KAT6B: variants seen among roughly 807,000 people sequenced by gnomAD.
The protein encoded by KAT6B is lysine acetyltransferase 6B.
A neutral mutation model predicts 187.5 loss-of-function variants in KAT6B; 10 were observed. The ratio of observed to expected loss-of-function variants is 0.05; its 90% CI spans 0.03 to 0.09. KAT6B has a LOEUF of 0.09. Among genes scored for constraint, KAT6B ranks in the 10% least tolerant of loss-of-function variants. KAT6B has a pLI of 1.00. For synonymous variants in KAT6B, 861 were observed against 926.8 expected, an observed-to-expected ratio of 0.93 and a Z score of 1.29; for missense variants, 1,952 against 2,558.9, an observed-to-expected ratio of 0.76 and a Z score of 5.12.
intron 16 of KAT6B, chr10:75,024,080 A>C (rs1430341176): frequency 6.6e-6 from 1 of 151,882 alleles, no homozygotes; most frequent in Admixed American, 6.6e-5. Flanking sequence ...ATGGACAGTC[A>C]TTTGTGCCAA....
At chr10:74,853,714 G>C (rs112173960) in intron 3 of KAT6B, among the ~76,000 whole-genome samples, 1 of 143,698 alleles carries the variant, frequency 7.0e-6, no homozygotes, top group Non-Finnish European at 1.5e-5. Context: ...TGCAACCTCC[G>C]CCTCCCAGGT....
At chr10:74,926,576 T>G (rs1380614034) in intron 3 of KAT6B, among the ~76,000 whole-genome samples, 4 of 152,258 alleles carry the variant, frequency 2.6e-5, no homozygotes, top group East Asian at 3.8e-4. Flanking sequence ...AGGTCCTTTC[T>G]TGGGCCCATG....
chr10:74,941,255 T>C (rs565298629), intron 3 of KAT6B, among the ~76,000 whole-genome samples: 1 of 152,320 alleles, frequency 6.6e-6, no homozygotes, highest in South Asian at 2.1e-4. Flanking sequence ...GAAAAGGGAA[T>C]GTTATTCTGA....
At chr10:74,991,099 A>G (rs1353570679) in intron 13 of KAT6B, among the ~76,000 whole-genome samples, 2 of 152,034 alleles carry the variant, frequency 1.3e-5, no homozygotes, top group African/African-American at 2.4e-5. Context: ...TTTATCTCAT[A>G]CCTTTATTTT....
In KAT6B at chr10:74,895,740, G is replaced by A. The variant is rs540361012; in HGVS notation, c.621+52262G>A. Among the ~76,000 whole-genome samples, 9 of 152,132 alleles carry A rather than the reference G, an allele frequency of 5.9e-5. No homozygotes were observed. The East Asian group carries it at 1.2e-3, about 20-fold the overall frequency. ...TTTTTAATAAAGATGAAGTTTCACC[G>A]TGTTGGCCAGGCTGGTCTCGAACTC... On this transcript the variant is annotated intron_variant, in intron 3 of 17. Transcript: ENST00000287239.
Position 74,976,385 on chromosome 10 carries a change from A to G in KAT6B, c.1993+55A>G, listed in dbSNP as rs957458601. 7.6e-6 allele frequency: 11 copies of G among 1,447,372 alleles called. No individual in the cohort carries two copies. The East Asian group carries it at 1.8e-4, about 24-fold the overall frequency. The allele number at this position is 1,447,372 out of a possible 1,614,324, so 89.7% of individuals were successfully genotyped here. On this transcript the variant is annotated intron_variant, in intron 8 of 17. Transcript: ENST00000287239. The stretch of plus-strand genomic sequence containing the variant: ...CCTGCGTCCCGTCCCTTTCTCCCCA[A>G]CCCTGAAAAAAATCAACCAATCAAT...
chr10:74,920,066 T>C (rs1295420861), intron 3 of KAT6B, among the ~76,000 whole-genome samples: 1 of 152,194 alleles, frequency 6.6e-6, no homozygotes, highest in Non-Finnish European at 1.5e-5. Flanking sequence ...TGACTCATGG[T>C]GTTTGTTTTT....
At chr10:74,912,414 A>T (rs61862633) in intron 3 of KAT6B, among the ~76,000 whole-genome samples, 1,515 of 57,656 alleles carry the variant, frequency 0.026, 28 homozygotes, top group African/African-American at 0.075. Context: ...GATAGATAGA[A>T]AGATAGATGA....
At chr10:74,947,142 G>A (rs1403481000) in intron 3 of KAT6B, among the ~76,000 whole-genome samples, 3 of 152,016 alleles carry the variant, frequency 2.0e-5, no homozygotes, top group African/African-American at 4.8e-5. Flanking sequence ...GATTACAGCC[G>A]TGTGCTACCA....
At chr10:74,985,766 G>C (rs1842767802) in intron 12 of KAT6B, among the ~76,000 whole-genome samples, 1 of 152,198 alleles carries the variant, frequency 6.6e-6, no homozygotes. Flanking sequence ...CTAAGTATCA[G>C]CCGGGCTCAG....
At chr10:74,934,869 C>G (rs1589656562) in intron 3 of KAT6B, among the ~76,000 whole-genome samples, 1 of 152,310 alleles carries the variant, frequency 6.6e-6, no homozygotes, top group East Asian at 1.9e-4. Context: ...ACATCCACCC[C>G]AATTATACTC....
chr10:74,935,278 C>T (rs1400247465), intron 3 of KAT6B, among the ~76,000 whole-genome samples: 2 of 7,014 alleles, frequency 2.9e-4, no homozygotes, highest in African/African-American at 2.8e-3. Flanking sequence ...TACATACACA[C>T]ACATATATAT....
chr10:75,028,173 A>AT (rs879470342), intron 17 of KAT6B, among the ~76,000 whole-genome samples: 82 of 148,414 alleles, frequency 5.5e-4, no homozygotes, highest in Admixed American at 3.6e-3. Context: ...GTTCAAATTG[A>AT]TTTTTTTTTT....
chr10:75,008,723 G>A (rs1020273791), intron 13 of KAT6B, among the ~76,000 whole-genome samples: 3 of 152,122 alleles, frequency 2.0e-5, no homozygotes, highest in Admixed American at 1.3e-4. Context: ...AATGATGCCC[G>A]TGAATTTGTT....
At chr10:74,972,079 A>G (rs776718875) in intron 6 of KAT6B, among the ~76,000 whole-genome samples, 2 of 152,094 alleles carry the variant, frequency 1.3e-5, no homozygotes, top group Non-Finnish European at 2.9e-5. Flanking sequence ...TATATTTTAT[A>G]CTGATAATTT....
intron 13 of KAT6B, among the ~76,000 whole-genome samples, chr10:74,997,884 A>G (rs1255824765): frequency 6.6e-6 from 1 of 152,010 alleles, no homozygotes; most frequent in Non-Finnish European, 1.5e-5. Flanking sequence ...AGCCAAGGCA[A>G]GCAGATCACC....
chr10:74,952,547 G>T (rs1230812742), intron 3 of KAT6B, among the ~76,000 whole-genome samples: 2 of 152,160 alleles, frequency 1.3e-5, no homozygotes, highest in African/African-American at 4.8e-5. Flanking sequence ...CTAGTTAGGT[G>T]ACCTTAGAGA....
chr10:74,921,070 A>G (rs1448670351), intron 3 of KAT6B, among the ~76,000 whole-genome samples: 1 of 151,332 alleles, frequency 6.6e-6, no homozygotes, highest in Admixed American at 6.6e-5. Flanking sequence ...GTTTAAGATC[A>G]AATGGTTTCC....
intron 3 of KAT6B, among the ~76,000 whole-genome samples, chr10:74,845,931 T>G (rs1842069344): frequency 6.6e-6 from 1 of 150,884 alleles, no homozygotes; most frequent in Non-Finnish European, 1.5e-5. Context: ...TGGTGTCACC[T>G]CGGCTCACTG....
Sources: gnomAD v4.1 joint callset for allele counts (sites outside exome capture counted in the v4.1 genomes callset) on GRCh38, gnomAD v4.1.1 for gene constraint, MANE v1.5 for transcripts, NCBI Gene and HGNC (gene_info 2026-07-23, HGNC 2026-07-21) for gene names.